The following SOS1 variants were observed in gnomAD, a reference collection of about 807,000 sequenced individuals.
The protein encoded by SOS1 is SOS Ras/Rac guanine nucleotide exchange factor 1.
SOS1 carries 25 observed loss-of-function variants against 157.6 expected under a neutral mutation model. The ratio of observed to expected loss-of-function variants is 0.16; its 90% CI spans 0.12 to 0.22. The LOEUF (loss-of-function observed/expected upper bound fraction) is 0.22. SOS1 is among the 10% of genes least tolerant of loss of function. SOS1 has a pLI of 1.00. For synonymous variants in SOS1, 528 were observed against 534.0 expected (o/e 0.99, Z 0.16); for missense variants, 1,237 against 1,599.1 (o/e 0.77, Z 3.86).
intron 1 of SOS1, among the ~76,000 whole-genome samples, chr2:39,072,879 AAAACTT>A (rs1310149877): frequency 6.6e-6 from 1 of 152,198 alleles, no homozygotes; most frequent in Non-Finnish European, 1.5e-5. Flanking sequence ...AAACAAAAAT[AAAACTT>A]AAAAACTCTA....
At chr2:39,038,024 A>T (rs1670418562) in intron 6 of SOS1, among the ~76,000 whole-genome samples, 1 of 152,186 alleles carries the variant, frequency 6.6e-6, no homozygotes, top group East Asian at 1.9e-4. Context: ...TCTTAACACA[A>T]CATCCATTCT....
chr2:38,997,605 A>ATT (rs1232409405), intron 17 of SOS1, among the ~76,000 whole-genome samples, 180 bp from the exon 18 acceptor site: 8 of 28,956 alleles, frequency 2.8e-4, no homozygotes, highest in Non-Finnish European at 4.8e-4. Flanking sequence ...GAAAGACTTA[A>ATT]ATTTTTTTTT....
At chr2:39,090,762 G>C (rs1307593685) in intron 1 of SOS1, among the ~76,000 whole-genome samples, 1 of 152,146 alleles carries the variant, frequency 6.6e-6, no homozygotes, top group Non-Finnish European at 1.5e-5. Flanking sequence ...TTAATGTATA[G>C]TTTATGTATA....
chr2:39,053,429 T>C (rs1671091508), intron 5 of SOS1, among the ~76,000 whole-genome samples: 1 of 152,192 alleles, frequency 6.6e-6, no homozygotes, highest in Non-Finnish European at 1.5e-5. Context: ...CTCAGAAACC[T>C]TTGCCTCTTC....
At chr2:39,009,757 G>A (rs943977539) in intron 15 of SOS1, among the ~76,000 whole-genome samples, 1 of 152,052 alleles carries the variant, frequency 6.6e-6, no homozygotes, top group East Asian at 1.9e-4. Flanking sequence ...GGGAGAAAGG[G>A]AATAGAGCTA....
intron 1 of SOS1, among the ~76,000 whole-genome samples, chr2:39,081,532 TA>T (rs1256888754): frequency 1.3e-5 from 2 of 150,850 alleles, no homozygotes; most frequent in African/African-American, 2.4e-5. Context: ...AAAAAAAAGA[TA>T]AAGGAAATTT....
At chr2:38,986,987 A>G (rs73930388) in intron 22 of SOS1, among the ~76,000 whole-genome samples, 2 of 152,184 alleles carry the variant, frequency 1.3e-5, no homozygotes, top group Admixed American at 6.5e-5. Context: ...ACAAAATTAA[A>G]TAAGTAGAAA....
intron 9 of SOS1, chr2:39,023,732 C>T (rs1669872446): frequency 5.5e-6 from 2 of 364,288 alleles, no homozygotes; most frequent in Admixed American, 4.4e-5. Context: ...ACGATGCCAA[C>T]ATAAATCTAC....
chr2:39,045,243 G>GGAGAGAGAGAGAGA (rs1308718638), intron 6 of SOS1, among the ~76,000 whole-genome samples: 4 of 83,350 alleles, frequency 4.8e-5, no homozygotes, highest in African/African-American at 2.4e-4. Flanking sequence ...AGAGAGAGAG[G>GGAGAGAGAGAGAGA]GAGAGAGAGA....
intron 8 of SOS1, among the ~76,000 whole-genome samples, chr2:39,030,007 TAAAAATTTTA>T (rs1056137896): frequency 1.3e-5 from 2 of 149,576 alleles, no homozygotes; most frequent in African/African-American, 4.9e-5. Context: ...TCTCTACAAA[TAAAAATTTTA>T]AAAAATTAGC....
chr2:39,034,053 A>ATTT (rs1416348650), intron 8 of SOS1, among the ~76,000 whole-genome samples: 2 of 152,234 alleles, frequency 1.3e-5, no homozygotes, highest in African/African-American at 4.8e-5. Context: ...TTACATACTA[A>ATTT]ATGCTTCCTC....
At chr2:39,102,530 C>CAAAAAAAA (rs70954782) in intron 1 of SOS1, among the ~76,000 whole-genome samples, 13 of 50,586 alleles carry the variant, frequency 2.6e-4, no homozygotes, top group East Asian at 7.0e-4. Flanking sequence ...GACTCCATCT[C>CAAAAAAAA]AAAAAAAAAA....
intron 6 of SOS1, among the ~76,000 whole-genome samples, chr2:39,046,826 G>C (rs1238484366): frequency 6.6e-6 from 1 of 152,092 alleles, no homozygotes; most frequent in Non-Finnish European, 1.5e-5. Flanking sequence ...TTCACCATTA[G>C]TTCTTATATT....
chr2:39,004,461 A>T (rs1025381647), intron 17 of SOS1, among the ~76,000 whole-genome samples: 6 of 151,580 alleles, frequency 4.0e-5, no homozygotes, highest in South Asian at 2.1e-4. Context: ...GAAAAAGTAG[A>T]ATCATTCAGT....
chr2:39,088,614 A>G (rs1418097528), intron 1 of SOS1, among the ~76,000 whole-genome samples: 1 of 152,204 alleles, frequency 6.6e-6, no homozygotes, highest in Non-Finnish European at 1.5e-5. Flanking sequence ...TTCACTTAGT[A>G]AAATATTTTC....
chr2:39,055,127 G>C (rs1055832713), intron 4 of SOS1, among the ~76,000 whole-genome samples: 3 of 152,008 alleles, frequency 2.0e-5, no homozygotes, highest in African/African-American at 7.2e-5. Flanking sequence ...TCCCTGACTT[G>C]GTTTTCTCTG....
At chr2:39,123,672 T>C (rs1673974909), upstream of SOS1, among the ~76,000 whole-genome samples, 2 of 152,156 alleles carry the variant, frequency 1.3e-5, no homozygotes, top group African/African-American at 4.8e-5. Context: ...TCAACAATCT[T>C]GTGCGTTTCG....
intron 1 of SOS1, among the ~76,000 whole-genome samples, chr2:39,093,418 T>C (rs1672659911): frequency 6.6e-6 from 1 of 152,098 alleles, no homozygotes; most frequent in Non-Finnish European, 1.5e-5. Context: ...CACCAAGACA[T>C]AAGAGGGTCA....
chr2:38,998,128 A>C lies in SOS1; in HGVS notation c.2792-703T>G, dbSNP rs145341659. The stretch of plus-strand genomic sequence containing the variant: ...TGATTTCCTGTTTCCCCATCACTAC[A>C]GCTGTACACTGGACGAGGAGGAGAA... On this transcript the variant is annotated intron_variant, in intron 17 of 22. Transcript: ENST00000402219. Among the ~76,000 whole-genome samples the C allele has an allele frequency of 4.0e-4, 61 of 152,300 alleles. 2 individuals carry two copies. The East Asian group carries it at 0.012, about 29-fold the overall frequency.
Sources: gnomAD v4.1 joint callset for allele counts (sites outside exome capture counted in the v4.1 genomes callset) on GRCh38, gnomAD v4.1.1 for gene constraint, MANE v1.5 for transcripts, NCBI Gene and HGNC (gene_info 2026-07-23, HGNC 2026-07-21) for gene names.